The following DNTT variants were observed in gnomAD, a reference collection of about 807,000 sequenced individuals.
DNTT encodes the protein nucleosidetriphosphate:DNA deoxynucleotidylexotransferase.
In DNTT, 47 loss-of-function variants were observed where a neutral mutation model predicts 60.9. The observed-to-expected ratio is 0.77, with a 90% confidence interval of 0.61 to 0.98. The LOEUF is 0.98. Ranked by LOEUF, DNTT falls within the 50% of genes least tolerant of loss-of-function variation. The pLI, the probability that DNTT is intolerant of heterozygous loss-of-function variation, is 0.00. For missense variants in DNTT, 665 were observed against 627.5 expected (o/e 1.06, Z -0.64); for synonymous variants, 224 against 221.2 (o/e 1.01, Z -0.11).
intron 1 of DNTT, among the ~76,000 whole-genome samples, chr10:96,312,832 C>G: frequency 6.6e-6 from 1 of 152,274 alleles, no homozygotes. Flanking sequence ...TTTAACCTAG[C>G]TTCCTGGATG....
chr10:96,305,171 C>T (rs545216538), intron 1 of DNTT, among the ~76,000 whole-genome samples: 1 of 152,278 alleles, frequency 6.6e-6, no homozygotes, highest in East Asian at 1.9e-4. Context: ...GATGACTAGC[C>T]AGCTTACCAC....
At chr10:96,314,951 A>G (rs1319514921) in intron 1 of DNTT, among the ~76,000 whole-genome samples, 2 of 152,194 alleles carry the variant, frequency 1.3e-5, no homozygotes, top group Non-Finnish European at 1.5e-5. Context: ...ACTAGAGGCC[A>G]TGGGTCTCCT....
chr10:96,307,307 A>G (rs1241006497), intron 1 of DNTT, among the ~76,000 whole-genome samples: 1 of 145,394 alleles, frequency 6.9e-6, no homozygotes, highest in Non-Finnish European at 1.5e-5. Context: ...GTTGGTAGGG[A>G]GAGATTATGG....
intron 1 of DNTT, among the ~76,000 whole-genome samples, chr10:96,314,648 A>G (rs891350481): frequency 1.5e-4 from 23 of 151,398 alleles, no homozygotes; most frequent in Admixed American, 3.9e-4. Context: ...TCCTGACCTC[A>G]TGATCTGCCC....
In DNTT at chr10:96,335,936, A is replaced by G. The variant is rs777443160; in HGVS notation, c.1405A>G (p.Met469Val). 2 of 1,614,220 alleles carry G rather than the reference A, an allele frequency of 1.2e-6. No individual in the cohort carries two copies. Among genetic ancestry groups the G allele is most frequent in the South Asian group, 2.2e-5 (2 of 91,088 alleles). ...GCGCTATGCCACACATGAGCGGAAG[A>G]TGATTCTGGATAACCATGCTTTATA... ...LRRYATHERKMILDNHALYDK... is the reference protein window; with the variant it reads ...LRRYATHERKVILDNHALYDK... Residue 469 changes from methionine (M) to valine (V), a missense_variant, in exon 10 of 11, where the codon ATG (methionine) becomes GTG (valine). Physicochemically the swap from Met to Val is conservative, Grantham distance 21 (BLOSUM62 1). Coordinates refer to ENST00000371174, the MANE Select transcript of DNTT (RefSeq NM_004088.4).
At chr10:96,334,409 A>G (rs1371382304) in intron 9 of DNTT, among the ~76,000 whole-genome samples, 4 of 152,218 alleles carry the variant, frequency 2.6e-5, no homozygotes, top group Non-Finnish European at 5.9e-5. Flanking sequence ...AGGAGAGGAC[A>G]CCTGTGATTT....
chr10:96,335,821 G>A, intron 9 of DNTT, 70 bp from the exon 10 acceptor site: 1 of 1,517,790 alleles, frequency 6.6e-7, no homozygotes, highest in South Asian at 1.1e-5. Context: ...TTCACTAGAG[G>A]GATGTAGCCA....
chr10:96,329,459 C>T (rs1003025), intron 8 of DNTT, among the ~76,000 whole-genome samples: 17,650 of 152,200 alleles, frequency 0.12, 2,712 homozygotes, highest in African/African-American at 0.35. Context: ...CTAGTGAGAG[C>T]CTCACTTCCT....
chr10:96,337,389 G>T (rs1054991421), intron 10 of DNTT, among the ~76,000 whole-genome samples: 1 of 152,208 alleles, frequency 6.6e-6, no homozygotes, highest in African/African-American at 2.4e-5. Context: ...AGAGTCAAGA[G>T]GAGTGGTTTC....
chr10:96,338,316 T>C lies in DNTT; in HGVS notation c.*92T>C. 1 of 1,170,022 alleles carries C rather than the reference T, an allele frequency of 8.5e-7. No homozygotes were observed. The highest frequency in any genetic ancestry group is 1.2e-6 in the Non-Finnish European group (1 of 829,446). 72.5% of individuals were successfully genotyped at this position (1,170,022 alleles called of 1,614,324 possible). ...AAGATGCCATAGGAGAGTTTGGGGTTATTTAGGTCTTATTGAAATGCAGAT... is the reference window on the plus strand; with the variant it reads ...AAGATGCCATAGGAGAGTTTGGGGTCATTTAGGTCTTATTGAAATGCAGAT... On this transcript the variant is annotated 3_prime_UTR_variant, in exon 11 of 11. Transcript: ENST00000371174.
At chr10:96,328,429 T>C (rs1207770307) in intron 7 of DNTT, among the ~76,000 whole-genome samples, 1 of 152,214 alleles carries the variant, frequency 6.6e-6, no homozygotes, top group Non-Finnish European at 1.5e-5. Flanking sequence ...TGTCTCCATG[T>C]GTGTATGTGT....
chr10:96,325,912 G>A (rs572838439), intron 6 of DNTT, among the ~76,000 whole-genome samples: 91 of 152,222 alleles, frequency 6.0e-4, no homozygotes, highest in Non-Finnish European at 1.1e-3. Flanking sequence ...AGGCTTGAGC[G>A]TGCACATGCC....
At chr10:96,323,075 G>A (rs1051199677) in intron 5 of DNTT, among the ~76,000 whole-genome samples, 1 of 152,228 alleles carries the variant, frequency 6.6e-6, no homozygotes, top group Non-Finnish European at 1.5e-5. Flanking sequence ...GGGAGGCCAA[G>A]GCGGGTGCAC....
At chr10:96,307,495 C>T (rs111873329) in intron 1 of DNTT, among the ~76,000 whole-genome samples, 1,577 of 150,574 alleles carry the variant, frequency 0.01, 14 homozygotes, top group Middle Eastern at 0.021. Flanking sequence ...GCTGGGACTA[C>T]AGGCACGCGT....
intron 1 of DNTT, 147 bp downstream of exon 1, chr10:96,304,847 T>A (rs1844615476): frequency 1.1e-6 from 1 of 896,830 alleles, no homozygotes; most frequent in Non-Finnish European, 1.6e-6. Context: ...AAAGAACAAC[T>A]AGTTAAGGAA....
At chr10:96,330,643 G>T (rs1469219768) in intron 8 of DNTT, among the ~76,000 whole-genome samples, 1 of 152,134 alleles carries the variant, frequency 6.6e-6, no homozygotes. Flanking sequence ...AAAATAAAAA[G>T]TATCTTTTTG....
chr10:96,331,389 G>A (rs953220709), intron 8 of DNTT, among the ~76,000 whole-genome samples: 3 of 152,204 alleles, frequency 2.0e-5, no homozygotes, highest in African/African-American at 7.2e-5. Flanking sequence ...TGGTTCTGCA[G>A]GATGTATAAG....
chr10:96,327,708 C>CTTTCTACAGCT, intron 7 of DNTT, 108 bp downstream of exon 7: 2 of 1,481,194 alleles, frequency 1.4e-6, no homozygotes, highest in Non-Finnish European at 1.8e-6. Context: ...GTGCCAGCTT[C>CTTTCTACAGCT]TTTCTACAGC....
intron 6 of DNTT, 134 bp from the exon 7 acceptor site, chr10:96,327,334 T>C: frequency 1.5e-6 from 2 of 1,315,894 alleles, no homozygotes; most frequent in Non-Finnish European, 2.2e-6. Flanking sequence ...ATTCTGTCTC[T>C]GTGGGAATGG....
Sources: allele counts gnomAD v4.1 joint callset (sites outside exome capture counted in the v4.1 genomes callset), GRCh38; gene constraint gnomAD v4.1.1; transcripts MANE v1.5; gene names NCBI Gene and HGNC (gene_info 2026-07-23, HGNC 2026-07-21).